The following ROBO2 variants were observed in gnomAD, a reference collection of about 807,000 sequenced individuals.
The protein encoded by ROBO2 is roundabout homolog 2.
In ROBO2, 53 loss-of-function variants were observed where a neutral mutation model predicts 160.8. The observed-to-expected ratio is 0.33, with a 90% CI of 0.26 to 0.41. ROBO2 has a LOEUF of 0.41. Among genes scored for constraint, ROBO2 ranks in the 10% least tolerant of loss-of-function variants. The pLI is 1.00. For synonymous variants in ROBO2, 664 were observed against 611.7 expected (o/e 1.09, Z -1.26); for missense variants, 1,577 against 1,722.4 (o/e 0.92, Z 1.49).
At chr3:76,590,703 A>C (rs2086360605) in intron 2 of ROBO2, among the ~76,000 whole-genome samples, 1 of 152,118 alleles carries the variant, frequency 6.6e-6, no homozygotes, top group Non-Finnish European at 1.5e-5. Flanking sequence ...TAGAATAAGG[A>C]GTGTTTATAT....
intron 8 of ROBO2, among the ~76,000 whole-genome samples, chr3:77,552,469 C>T (rs1259048460): frequency 2.0e-5 from 3 of 151,990 alleles, no homozygotes; most frequent in Non-Finnish European, 2.9e-5. Context: ...TTCAGAATTA[C>T]GTCTGATACA....
At chr3:77,436,573 A>G (rs888111583) in intron 2 of ROBO2, among the ~76,000 whole-genome samples, 6 of 151,864 alleles carry the variant, frequency 4.0e-5, no homozygotes, top group Admixed American at 1.3e-4. Context: ...GAATTGTTCA[A>G]GTTAGCATGT....
At chr3:76,009,403 G>C (rs1369942307) in intron 2 of ROBO2, among the ~76,000 whole-genome samples, 1 of 152,128 alleles carries the variant, frequency 6.6e-6, no homozygotes, top group Non-Finnish European at 1.5e-5. Flanking sequence ...GCGCCTGGCT[G>C]AAGATCCGAT....
intron 2 of ROBO2, among the ~76,000 whole-genome samples, chr3:76,769,195 C>T (rs956636073): frequency 5.3e-5 from 8 of 151,244 alleles, no homozygotes; most frequent in Non-Finnish European, 7.4e-5. Flanking sequence ...TAAGATCTGG[C>T]GACACTTGTT....
At chr3:76,893,408 G>C (rs138738954) in intron 2 of ROBO2, among the ~76,000 whole-genome samples, 3,335 of 152,076 alleles carry the variant, frequency 0.022, 47 homozygotes, top group Non-Finnish European at 0.032. Flanking sequence ...GGGAAGAGCA[G>C]GATGGCTAGG....
At chr3:76,670,384 G>A (rs2092221578) in intron 2 of ROBO2, among the ~76,000 whole-genome samples, 2 of 151,548 alleles carry the variant, frequency 1.3e-5, no homozygotes, top group South Asian at 2.1e-4. Context: ...CCAGAAAAAG[G>A]TCAAATTATT....
At chr3:77,149,183 C>T (rs1225617116) in intron 2 of ROBO2, among the ~76,000 whole-genome samples, 1 of 151,454 alleles carries the variant, frequency 6.6e-6, no homozygotes, top group Non-Finnish European at 1.5e-5. Context: ...AACAGGTGCA[C>T]GCCACCACGC....
intron 2 of ROBO2, among the ~76,000 whole-genome samples, chr3:76,688,037 T>C (rs1367903334): frequency 1.3e-5 from 2 of 152,104 alleles, no homozygotes; most frequent in African/African-American, 4.8e-5. Context: ...TTTCTCCTTA[T>C]TAGCTTTTAA....
At chr3:76,041,876 CAT>C (rs2067284986) in intron 2 of ROBO2, among the ~76,000 whole-genome samples, 2 of 151,862 alleles carry the variant, frequency 1.3e-5, no homozygotes, top group Middle Eastern at 3.2e-3. Context: ...CATTCATTGA[CAT>C]ATGAATGTAC....
intron 2 of ROBO2, among the ~76,000 whole-genome samples, chr3:76,690,691 T>C (rs1257341160): frequency 6.6e-6 from 1 of 152,146 alleles, no homozygotes; most frequent in African/African-American, 2.4e-5. Context: ...TGAAAAGAGC[T>C]ATACAGCAGA....
At chr3:77,164,001 G>T (rs2078722999) in intron 2 of ROBO2, among the ~76,000 whole-genome samples, 1 of 152,124 alleles carries the variant, frequency 6.6e-6, no homozygotes, top group African/African-American at 2.4e-5. Flanking sequence ...ACTTCCCACT[G>T]CATAGAAACA....
Position 77,316,967 on chromosome 3 carries a change from C to T in ROBO2, c.389-160447C>T, listed in dbSNP as rs568889717. 1.3e-5 allele frequency: 18 copies of T among 1,421,408 alleles called. No individual in the cohort carries two copies. The African/African-American group carries it at 1.8e-4, about 14-fold the overall frequency. The allele number at this position is 1,421,408 out of a possible 1,614,324, so 88.0% of individuals were successfully genotyped here. A position where few individuals can be genotyped will look rare whatever the true frequency, so the allele number is the denominator to read the frequency against. ...GTTCCGAAGCGCGTGTTACTGTTTC[C>T]TGCTGTCCAGACGAGATTGACAGCG... is the stretch of plus-strand genomic sequence containing the variant. On this transcript the variant is annotated intron_variant, in intron 2 of 25. Coordinates refer to ENST00000461745, the Ensembl canonical transcript of ROBO2.
chr3:76,924,928 G>T (rs2076881978), intron 2 of ROBO2, among the ~76,000 whole-genome samples: 1 of 152,104 alleles, frequency 6.6e-6, no homozygotes, highest in Admixed American at 6.5e-5. Context: ...CTGGTTTGCG[G>T]CCGGGCGCGG....
At chr3:77,399,994 T>C (rs2075646701) in intron 2 of ROBO2, among the ~76,000 whole-genome samples, 1 of 152,032 alleles carries the variant, frequency 6.6e-6, no homozygotes. Context: ...GGTATTTTGC[T>C]GTGAGTGGAT....
At chr3:77,040,457 G>T in exon 1 of ROBO2, 2 of 1,106,874 alleles carry the variant, frequency 1.8e-6, no homozygotes, top group Non-Finnish European at 2.2e-6. Flanking sequence ...ACTTGGCTTT[G>T]GATTGCAGTG....
chr3:77,000,581 C>CG (rs5850305), intron 2 of ROBO2, among the ~76,000 whole-genome samples: 53,645 of 151,930 alleles, frequency 0.35, 10,406 homozygotes, highest in East Asian at 0.65. Flanking sequence ...ATTTTCATGA[C>CG]TTTTTTTCTA....
chr3:75,940,352 C>T (rs1947996380), intron 2 of ROBO2, among the ~76,000 whole-genome samples: 1 of 152,132 alleles, frequency 6.6e-6, no homozygotes, highest in Admixed American at 6.5e-5. Context: ...GGGCCATTAT[C>T]CCTCTGGGGC....
At chr3:75,949,809 A>G (rs1948468050) in intron 2 of ROBO2, among the ~76,000 whole-genome samples, 1 of 152,072 alleles carries the variant, frequency 6.6e-6, no homozygotes, top group Non-Finnish European at 1.5e-5. Flanking sequence ...TCTGAAAGCT[A>G]TTTGAATTCA....
chr3:76,010,401 C>G (rs1183824631), intron 2 of ROBO2, among the ~76,000 whole-genome samples: 1 of 152,184 alleles, frequency 6.6e-6, no homozygotes, highest in African/African-American at 2.4e-5. Context: ...GGAGGCTTAT[C>G]CACTCAGCTG....
Sources: gnomAD v4.1 joint callset for allele counts (sites outside exome capture counted in the v4.1 genomes callset) on GRCh38, gnomAD v4.1.1 for gene constraint, MANE v1.5 for transcripts, NCBI Gene and HGNC (gene_info 2026-07-23, HGNC 2026-07-21) for gene names.